NRXN3: variants seen among roughly 807,000 people sequenced by gnomAD.
The protein encoded by NRXN3 is neurexin 3.
NRXN3 carries 32 observed loss-of-function variants against 137.6 expected under a neutral mutation model. That is an observed-to-expected ratio of 0.23 (90% CI 0.18 to 0.31). The LOEUF (loss-of-function observed/expected upper bound fraction) is 0.31. Among genes scored for constraint, NRXN3 ranks in the 10% least tolerant of loss-of-function variants. The pLI, the probability that NRXN3 is intolerant of heterozygous loss-of-function variation, is 1.00. For missense variants in NRXN3, 1,574 were observed against 2,062.5 expected, an observed-to-expected ratio of 0.76 and a Z score of 4.59; for synonymous variants, 798 against 784.5, an observed-to-expected ratio of 1.02 and a Z score of -0.29.
At chr14:79,240,780 G>A (rs2074150006) in intron 15 of NRXN3, among the ~76,000 whole-genome samples, 1 of 152,064 alleles carries the variant, frequency 6.6e-6, no homozygotes, top group South Asian at 2.1e-4. Context: ...ATATGGACAG[G>A]TGTTGGAATT....
chr14:78,330,979 A>G (rs1425771482), intron 4 of NRXN3, among the ~76,000 whole-genome samples: 1 of 152,116 alleles, frequency 6.6e-6, no homozygotes, highest in Admixed American at 6.5e-5. Context: ...ATGTTCTTGT[A>G]TATTTGAAAC....
At chr14:79,703,192 G>T (rs374188019) in intron 19 of NRXN3, among the ~76,000 whole-genome samples, 1 of 152,084 alleles carries the variant, frequency 6.6e-6, no homozygotes, top group South Asian at 2.1e-4. Context: ...GGTTGAATGT[G>T]AACCACTTTT....
intron 4 of NRXN3, among the ~76,000 whole-genome samples, chr14:78,404,205 CTTTT>C (rs61577048): frequency 9.1e-5 from 13 of 142,216 alleles, no homozygotes; most frequent in Admixed American, 1.4e-4. Context: ...CCCTATTTTC[CTTTT>C]TTTTTTTTTT....
chr14:78,523,816 CAAAAAA>C (rs56083130), intron 4 of NRXN3, among the ~76,000 whole-genome samples: 7 of 61,576 alleles, frequency 1.1e-4, no homozygotes, highest in South Asian at 6.8e-4. Flanking sequence ...GACTCTGTCT[CAAAAAA>C]AAAAAAAAAA....
intron 8 of NRXN3, among the ~76,000 whole-genome samples, chr14:78,793,304 G>A (rs1186048378): frequency 6.6e-6 from 1 of 152,094 alleles, no homozygotes; most frequent in East Asian, 1.9e-4. Context: ...GAAACACTTG[G>A]TGAGAACAGT....
chr14:79,177,279 G>A, intron 15 of NRXN3, among the ~76,000 whole-genome samples: 1 of 152,102 alleles, frequency 6.6e-6, no homozygotes, highest in East Asian at 1.9e-4. Context: ...AGCTGTTGGG[G>A]GAAGAGAGCA....
intron 15 of NRXN3, among the ~76,000 whole-genome samples, chr14:79,190,094 C>T (rs2064085514): frequency 6.6e-6 from 1 of 152,066 alleles, no homozygotes; most frequent in Non-Finnish European, 1.5e-5. Context: ...TTCAGATTTC[C>T]CTATAATTTT....
At chr14:79,503,764 A>C (rs2096847241) in intron 16 of NRXN3, among the ~76,000 whole-genome samples, 1 of 152,182 alleles carries the variant, frequency 6.6e-6, no homozygotes, top group South Asian at 2.1e-4. Context: ...TCTGGGACAT[A>C]TGGCACATTC....
At chr14:78,327,806 G>C (rs1299811793) in intron 4 of NRXN3, among the ~76,000 whole-genome samples, 1 of 152,138 alleles carries the variant, frequency 6.6e-6, no homozygotes, top group African/African-American at 2.4e-5. Flanking sequence ...GATAACAGGA[G>C]TGGGAGCCTC....
At chr14:78,788,813 A>T (rs2098796915) in intron 8 of NRXN3, among the ~76,000 whole-genome samples, 2 of 152,136 alleles carry the variant, frequency 1.3e-5, no homozygotes, top group Admixed American at 1.3e-4. Flanking sequence ...CTGATTCGGT[A>T]TTATTATTAC....
chr14:78,947,594 G>C (rs141437503), intron 10 of NRXN3, among the ~76,000 whole-genome samples: 312 of 152,302 alleles, frequency 2.0e-3, no homozygotes, highest in Non-Finnish European at 2.3e-3. Context: ...GAGTGAATTA[G>C]ACAAATTAAC....
chr14:78,722,462 AG>A (rs1567148916), intron 8 of NRXN3, among the ~76,000 whole-genome samples: 1 of 152,236 alleles, frequency 6.6e-6, no homozygotes, highest in Non-Finnish European at 1.5e-5. Flanking sequence ...ACACAACACA[AG>A]GGGATTGTTG....
chr14:79,816,975 T>C (rs535498501), intron 20 of NRXN3, among the ~76,000 whole-genome samples: 1 of 152,256 alleles, frequency 6.6e-6, no homozygotes, highest in Non-Finnish European at 1.5e-5. Context: ...TTAGTCCTTC[T>C]AATTTGACAA....
chr14:79,769,051 A>G (rs937745007), intron 19 of NRXN3, among the ~76,000 whole-genome samples: 4 of 152,084 alleles, frequency 2.6e-5, no homozygotes, highest in African/African-American at 9.7e-5. Flanking sequence ...AATGAAATGA[A>G]GTGAGAAGGG....
intron 4 of NRXN3, among the ~76,000 whole-genome samples, chr14:78,368,653 C>G (rs148462458): frequency 6.6e-6 from 1 of 152,308 alleles, no homozygotes; most frequent in African/African-American, 2.4e-5. Context: ...TGAGATCACA[C>G]CATTGCACTC....
intron 19 of NRXN3, among the ~76,000 whole-genome samples, chr14:79,784,604 T>G (rs953693349): frequency 6.7e-6 from 1 of 149,516 alleles, no homozygotes; most frequent in Non-Finnish European, 1.5e-5. Flanking sequence ...AGGTACTTTT[T>G]GTTGTGTTGC....
intron 4 of NRXN3, among the ~76,000 whole-genome samples, chr14:78,620,036 C>T (rs752352121): frequency 2.6e-5 from 4 of 152,138 alleles, no homozygotes; most frequent in Non-Finnish European, 5.9e-5. Flanking sequence ...GCTTAAGTCA[C>T]CCAGTCTATG....
In NRXN3 at chr14:79,622,116, G is replaced by A. The variant is rs376809447; in HGVS notation, c.3445-41662G>A. ...CCCAGTATACTGTTGGATGATGTCA[G>A]AGCAACGTGAAAGGATTTTGGGTTA... On this transcript the variant is annotated intron_variant, in intron 16 of 20. Coordinates refer to ENST00000335750, the MANE Select transcript of NRXN3 (RefSeq NM_001330195.2). Among the ~76,000 whole-genome samples, 10 of 152,262 alleles carry A rather than the reference G, an allele frequency of 6.6e-5. No homozygotes were observed. The East Asian group carries it at 1.9e-3, about 29-fold the overall frequency.
chr14:78,451,280 T>C (rs746139266), intron 4 of NRXN3, among the ~76,000 whole-genome samples: 1 of 152,216 alleles, frequency 6.6e-6, no homozygotes, highest in Non-Finnish European at 1.5e-5. Flanking sequence ...TGACCTCCTG[T>C]GTCTTTATAC....
Sources: gnomAD v4.1 joint callset for allele counts (sites outside exome capture counted in the v4.1 genomes callset) on GRCh38, gnomAD v4.1.1 for gene constraint, MANE v1.5 for transcripts, NCBI Gene and HGNC (gene_info 2026-07-23, HGNC 2026-07-21) for gene names.